The following GAB3 variants were observed in gnomAD, a reference collection of about 807,000 sequenced individuals.
GAB3 encodes GRB2-associated-binding protein 3.
Under a neutral mutation model 40.4 loss-of-function variants are expected in GAB3, and 12 were observed. The observed-to-expected ratio is 0.30, with a 90% CI of 0.19 to 0.48. The LOEUF is 0.48. GAB3 is among the 20% of genes least tolerant of loss of function. The pLI is 0.99. For missense variants in GAB3, 381 were observed against 461.9 expected, an observed-to-expected ratio of 0.82 and a Z score of 1.61; for synonymous variants, 154 against 176.7, an observed-to-expected ratio of 0.87 and a Z score of 1.02.
intron 1 of GAB3, among the ~76,000 whole-genome samples, chrX:154,748,470 A>T (rs897740789): frequency 3.6e-5 from 4 of 112,182 alleles, no homozygotes; most frequent in Admixed American, 9.4e-5. Context: ...ACATAAGAAT[A>T]TATTTCTTGT....
In GAB3 at chrX:154,680,174, C is replaced by T. The variant is rs2070354031; in HGVS notation, c.1605G>A (p.Leu535=). Residue 535 remains leucine, a synonymous_variant, in exon 9 of 10, where the codon TTG becomes TTA. Transcript: ENST00000424127. Reference sequence around the variant, plus strand: ...GTGATGCTGAATTGAAGTCCAGGGCCAAATAATCTAGGCTGAATTTCTTTG... The same window carrying T: ...GTGATGCTGAATTGAAGTCCAGGGCTAAATAATCTAGGCTGAATTTCTTTG... The part of the protein sequence containing the change: ...TWTKKFSLDY[L]ALDFNSASPA... 8.3e-7 allele frequency: 1 copy of T among 1,209,846 alleles called. No individual in the cohort carries two copies. Among genetic ancestry groups the T allele is most frequent in the Non-Finnish European group, 1.1e-6 (1 of 894,298 alleles).
chrX:154,734,360 T>C (rs1433250222), intron 1 of GAB3, among the ~76,000 whole-genome samples: 3 of 113,111 alleles, frequency 2.7e-5, no homozygotes, highest in African/African-American at 6.4e-5. Context: ...GACGTTCTTA[T>C]GTGCAAAGAA....
chrX:154,699,875 C>A, intron 5 of GAB3, 129 bp downstream of exon 5: 1 of 582,297 alleles, frequency 1.7e-6, no homozygotes, highest in South Asian at 2.6e-5. Context: ...AAGTTCAAGT[C>A]TTCAGGGGAG....
chrX:154,720,555 G>A (rs1259412405), intron 1 of GAB3, among the ~76,000 whole-genome samples: 3 of 106,322 alleles, frequency 2.8e-5, no homozygotes, highest in African/African-American at 6.9e-5. Flanking sequence ...GAACCCCGGG[G>A]GGCGGAGCCT....
intron 1 of GAB3, among the ~76,000 whole-genome samples, chrX:154,735,502 C>G (rs7054592): frequency 0.027 from 3,018 of 112,364 alleles, 101 homozygotes; most frequent in African/African-American, 0.092. Flanking sequence ...TACATGGCAA[C>G]TCTATCCTTC....
upstream of GAB3, chrX:154,751,100 C>G (rs1295324664): frequency 1.3e-6 from 1 of 752,545 alleles, no homozygotes; most frequent in African/African-American, 2.4e-5. Flanking sequence ...AGGATGCCGG[C>G]GGGGCGGGCC....
intron 9 of GAB3, 83 bp downstream of exon 9, chrX:154,680,049 A>C (rs959558376): frequency 6.3e-6 from 4 of 639,632 alleles, no homozygotes; most frequent in Non-Finnish European, 1.0e-5. Context: ...CTTTCTAAGG[A>C]GAATATGCAT....
intron 1 of GAB3, among the ~76,000 whole-genome samples, chrX:154,727,455 A>G (rs191034470): frequency 3.2e-3 from 363 of 113,004 alleles, no homozygotes; most frequent in African/African-American, 0.011. Context: ...CCCGGACAGT[A>G]GAGACTTTGT....
At chrX:154,733,469 T>C (rs1440133246) in intron 1 of GAB3, among the ~76,000 whole-genome samples, 1 of 112,340 alleles carries the variant, frequency 8.9e-6, no homozygotes, top group Non-Finnish European at 1.9e-5. Flanking sequence ...GCCTTATAAG[T>C]TGGTATTGTT....
chrX:154,723,935 C>T (rs1433202539), intron 1 of GAB3, among the ~76,000 whole-genome samples: 3 of 112,006 alleles, frequency 2.7e-5, no homozygotes, highest in Non-Finnish European at 5.6e-5. Context: ...CTGCAAACCT[C>T]AGTCCTGTCA....
intron 7 of GAB3, among the ~76,000 whole-genome samples, chrX:154,696,298 C>CAA (rs35105330): frequency 0.01 from 406 of 40,087 alleles, 10 homozygotes; most frequent in Non-Finnish European, 0.011. Context: ...TATCATTTAG[C>CAA]AAAAAAAAAA....
intron 8 of GAB3, among the ~76,000 whole-genome samples, chrX:154,683,229 C>A (rs1352139440): frequency 9.0e-6 from 1 of 111,475 alleles, no homozygotes; most frequent in African/African-American, 3.3e-5. Flanking sequence ...TCTTGAGTAA[C>A]CCCCAATATT....
At chrX:154,737,712 A>C (rs1220559397) in intron 1 of GAB3, among the ~76,000 whole-genome samples, 3 of 112,392 alleles carry the variant, frequency 2.7e-5, no homozygotes, top group Non-Finnish European at 5.6e-5. Flanking sequence ...GTGGCGTAAA[A>C]AATCAATTAC....
At chrX:154,690,945 G>A (rs1360286717) in intron 8 of GAB3, among the ~76,000 whole-genome samples, 2 of 109,478 alleles carry the variant, frequency 1.8e-5, no homozygotes, top group Admixed American at 1.9e-4. Context: ...TATAAATCAT[G>A]CTGCTATAAA....
At chrX:154,720,804 T>G (rs2071122028) in intron 1 of GAB3, among the ~76,000 whole-genome samples, 2 of 111,967 alleles carry the variant, frequency 1.8e-5, no homozygotes, top group African/African-American at 3.3e-5. Flanking sequence ...TTTATGAATG[T>G]ATTCTGATCA....
At chrX:154,681,996 A>G (rs1367130085) in intron 8 of GAB3, among the ~76,000 whole-genome samples, 3 of 112,252 alleles carry the variant, frequency 2.7e-5, no homozygotes, top group African/African-American at 9.7e-5. Flanking sequence ...ATTCAGGAAC[A>G]TGGTCTACTT....
chrX:154,697,831 G>A (rs1466245571), intron 6 of GAB3, among the ~76,000 whole-genome samples: 1 of 112,203 alleles, frequency 8.9e-6, no homozygotes, highest in African/African-American at 3.2e-5. Flanking sequence ...GGTGTATCTG[G>A]TTTGTTCACT....
At chrX:154,741,186 T>C (rs964148204) in intron 1 of GAB3, among the ~76,000 whole-genome samples, 6 of 111,970 alleles carry the variant, frequency 5.4e-5, no homozygotes, top group East Asian at 2.8e-4. Flanking sequence ...ATGTGAGACG[T>C]GCCTTTCACC....
intron 9 of GAB3, chrX:154,679,175 T>C (rs1480171677): frequency 3.0e-6 from 1 of 338,609 alleles, no homozygotes; most frequent in Non-Finnish European, 5.9e-6. Flanking sequence ...AAAACAATAA[T>C]AACAAAAAGG....
Sources: gnomAD v4.1 joint callset for allele counts (sites outside exome capture counted in the v4.1 genomes callset) on GRCh38, gnomAD v4.1.1 for gene constraint, MANE v1.5 for transcripts, NCBI Gene and HGNC (gene_info 2026-07-23, HGNC 2026-07-21) for gene names.